The following ALPK2 variants were observed in gnomAD, a reference collection of about 807,000 sequenced individuals.
ALPK2 encodes alpha-protein kinase 2.
Under a neutral mutation model 163.1 loss-of-function variants are expected in ALPK2, and 127 were observed. The ratio of observed to expected loss-of-function variants is 0.78; its 90% confidence interval spans 0.67 to 0.90. ALPK2 has a LOEUF of 0.90. Among genes scored for constraint, ALPK2 ranks in the 40% least tolerant of loss-of-function variants. The pLI, the probability that ALPK2 is intolerant of heterozygous loss-of-function variation, is 0.00. For missense variants in ALPK2, 2,360 were observed against 2,589.6 expected (o/e 0.91, Z 1.92); for synonymous variants, 953 against 959.1 (o/e 0.99, Z 0.12).
intron 5 of ALPK2, among the ~76,000 whole-genome samples, chr18:58,530,558 A>G (rs1452250469): frequency 6.6e-6 from 1 of 152,186 alleles, no homozygotes; most frequent in Non-Finnish European, 1.5e-5. Flanking sequence ...GGCCGGCTTC[A>G]TGGGTGATGT....
intron 8 of ALPK2, among the ~76,000 whole-genome samples, chr18:58,523,141 T>A (rs36136179): frequency 1.4e-5 from 2 of 139,586 alleles, no homozygotes; most frequent in South Asian, 4.7e-4. Context: ...TCAATTCCCA[T>A]CTATGAGTGA....
At position 58,579,531 on chromosome 18, in the gene ALPK2, G is replaced by T; in HGVS notation, c.1245C>A (p.Ser415Arg). Residue 415 changes from serine to arginine, a missense_variant, in exon 4 of 13, where the codon AGC (serine) becomes AGA (arginine). Transcript: ENST00000361673. ...SQPQEVGVRS[S>R]RVSKHGPSSP... is the part of the protein sequence containing the mutation. ...ATGAGGGACCGTGCTTGGAGACTCT[G>T]CTGCTCCTCACCCCAACTTCTTGGG... The T allele has an allele frequency of 6.2e-7, 1 of 1,613,722 alleles. No individual in the cohort carries two copies.
At chr18:58,517,303 G>T in intron 8 of ALPK2, 121 bp from the exon 9 acceptor site, 2 of 1,004,068 alleles carry the variant, frequency 2.0e-6, no homozygotes, top group Non-Finnish European at 2.9e-6. Context: ...GAACCAAGAG[G>T]GGGCAGACAC....
chr18:58,540,444 G>A (rs1319708627), intron 4 of ALPK2, among the ~76,000 whole-genome samples: 2 of 152,172 alleles, frequency 1.3e-5, no homozygotes, highest in Non-Finnish European at 2.9e-5. Flanking sequence ...TGGGAAATAA[G>A]GGATAAGGTA....
chr18:58,625,966 G>C (rs769481752), intron 1 of ALPK2, among the ~76,000 whole-genome samples: 1 of 152,222 alleles, frequency 6.6e-6, no homozygotes, highest in Non-Finnish European at 1.5e-5. Context: ...ATTTGATGTA[G>C]GTCAGGTGTT....
intron 3 of ALPK2, among the ~76,000 whole-genome samples, chr18:58,599,301 C>A (rs913956158): frequency 3.9e-5 from 6 of 152,292 alleles, no homozygotes; most frequent in African/African-American, 1.4e-4. Flanking sequence ...TCAAGCAGGG[C>A]TCCAGGCATG....
chr18:58,499,872 A>C (rs531297439), intron 11 of ALPK2, among the ~76,000 whole-genome samples: 4 of 152,378 alleles, frequency 2.6e-5, no homozygotes, highest in Admixed American at 6.5e-5. Flanking sequence ...AAAGCCAGCC[A>C]TGAGGATCAG....
intron 12 of ALPK2, among the ~76,000 whole-genome samples, chr18:58,489,174 G>C (rs1468510976): frequency 6.6e-6 from 1 of 152,152 alleles, no homozygotes; most frequent in Non-Finnish European, 1.5e-5. Flanking sequence ...TTATCTGGCA[G>C]AGGGAACAAC....
At chr18:58,569,153 C>A (rs901300357) in intron 4 of ALPK2, among the ~76,000 whole-genome samples, 2 of 152,194 alleles carry the variant, frequency 1.3e-5, no homozygotes, top group Admixed American at 6.5e-5. Flanking sequence ...CTGTAGTAAG[C>A]AGTAACCAGG....
Position 58,537,337 on chromosome 18 carries a change from G to A in ALPK2, c.2850C>T (p.Asn950=), listed in dbSNP as rs773958597. ...CTTCTTTAAATTGCACTAAAGGATT[G>A]TTCTCAGAAGAAAGGAGCTGTGTTT... is the stretch of plus-strand genomic sequence containing the variant. ...LDETQLLSSE[N]NPLVQFKEGG... The change falls in exon 5 of 13, where the codon AAC becomes AAT. Residue 950 remains asparagine, a synonymous_variant. Transcript: ENST00000361673. The A allele has an allele frequency of 1.7e-5, 27 of 1,614,020 alleles. No homozygotes were observed. The highest frequency in any genetic ancestry group is 5.0e-5 in the Admixed American group (3 of 60,014).
chr18:58,601,895 C>T (rs2052071966), intron 3 of ALPK2, among the ~76,000 whole-genome samples: 1 of 152,206 alleles, frequency 6.6e-6, no homozygotes, highest in African/African-American at 2.4e-5. Flanking sequence ...GTGCTCCAGA[C>T]ATCTTAGATC....
rs1296247247 is a variant in ALPK2, at chr18:58,537,612, T to C, written c.2575A>G (p.Thr859Ala). The stretch of plus-strand genomic sequence containing the variant: ...TGTGTCTGAAAAAAGACTTCCAGTG[T>C]CTTGTCATTAGAAGAACATAAATCA... ...VSDLCSSNDK[T>A]LEVFFQTQVS... Residue 859 changes from threonine to alanine, a missense_variant, in exon 5 of 13, where the codon ACA becomes GCA. By Grantham distance (58) the Thr-to-Ala change is moderately conservative. Transcript: ENST00000361673. 7 of 1,613,530 alleles carry C rather than the reference T, an allele frequency of 4.3e-6. No individual in the cohort carries two copies. Among genetic ancestry groups the C allele is most frequent in the Non-Finnish European group, 5.9e-6 (7 of 1,179,588 alleles).
chr18:58,628,222 C>A (rs188961621), intron 1 of ALPK2, among the ~76,000 whole-genome samples: 60 of 152,214 alleles, frequency 3.9e-4, no homozygotes, highest in African/African-American at 1.3e-3. Context: ...AGCCTGATAG[C>A]TTTTCAGCAA....
intron 2 of ALPK2, among the ~76,000 whole-genome samples, chr18:58,609,205 G>A (rs568373702): frequency 6.6e-6 from 1 of 151,862 alleles, no homozygotes; most frequent in Non-Finnish European, 1.5e-5. Context: ...TCTCCTTCAG[G>A]TAAACACCTG....
intron 1 of ALPK2, among the ~76,000 whole-genome samples, chr18:58,624,788 C>A (rs910166608): frequency 2.6e-5 from 4 of 152,174 alleles, no homozygotes; most frequent in African/African-American, 9.6e-5. Flanking sequence ...AGAAGGCATA[C>A]CCTCTCCTCA....
At chr18:58,567,461 C>T (rs1243758551) in intron 4 of ALPK2, among the ~76,000 whole-genome samples, 4 of 152,148 alleles carry the variant, frequency 2.6e-5, no homozygotes, top group Non-Finnish European at 2.9e-5. Context: ...ACACGCACCT[C>T]ATCAGGTGAT....
chr18:58,493,891 G>C (rs937412377), intron 12 of ALPK2, among the ~76,000 whole-genome samples: 31 of 152,278 alleles, frequency 2.0e-4, no homozygotes, highest in African/African-American at 6.7e-4. Flanking sequence ...ATCTGCTAAT[G>C]GTACTTTTCT....
chr18:58,538,365 A>G, intron 4 of ALPK2, 141 bp from the exon 5 acceptor site: 1 of 778,040 alleles, frequency 1.3e-6, no homozygotes, highest in African/African-American at 1.7e-5. Flanking sequence ...TAATCCCCCA[A>G]CTCCCTCTAG....
intron 9 of ALPK2, among the ~76,000 whole-genome samples, 182 bp from the exon 10 acceptor site, chr18:58,515,263 GCTC>G: frequency 6.6e-6 from 1 of 152,174 alleles, no homozygotes; most frequent in Admixed American, 6.5e-5. Flanking sequence ...TTAGGGAGGA[GCTC>G]TGAGACGTCA....
Sources: gnomAD v4.1 joint callset for allele counts (sites outside exome capture counted in the v4.1 genomes callset) on GRCh38, gnomAD v4.1.1 for gene constraint, MANE v1.5 for transcripts, NCBI Gene and HGNC (gene_info 2026-07-23, HGNC 2026-07-21) for gene names.